The following RAPGEF4 variants were observed in gnomAD, a reference collection of about 807,000 sequenced individuals.
RAPGEF4 encodes Rap guanine nucleotide exchange factor 4, also known as RAP guanine-nucleotide-exchange factor (GEF) 4.
RAPGEF4 carries 66 observed loss-of-function variants against 147.9 expected under a neutral mutation model. The ratio of observed to expected loss-of-function variants is 0.45; its 90% CI spans 0.37 to 0.55. RAPGEF4 has a LOEUF of 0.55. Ranked by LOEUF, RAPGEF4 falls within the 20% of genes least tolerant of loss-of-function variation. RAPGEF4 has a pLI of 0.00. For synonymous variants in RAPGEF4, 419 were observed against 442.7 expected (o/e 0.95, Z 0.67); for missense variants, 1,071 against 1,257.3 (o/e 0.85, Z 2.24).
rs375821371 is a variant in RAPGEF4, at chr2:172,819,414, A to G, written c.444+4989A>G. Among the ~76,000 whole-genome samples, 91 of 151,848 alleles carry G rather than the reference A, an allele frequency of 6.0e-4. No individual in the cohort carries two copies. The South Asian group carries it at 0.019, about 32-fold the overall frequency. On this transcript the variant is annotated intron_variant, in intron 4 of 30. Transcript: ENST00000397081. ...TGGAGACAGTATGTTTCTGAATTAC[A>G]TACAGAAGAAAATGAATTTAAAAGT...
At chr2:172,765,533 C>T (rs1239307894) in intron 1 of RAPGEF4, among the ~76,000 whole-genome samples, 4 of 152,236 alleles carry the variant, frequency 2.6e-5, no homozygotes, top group Non-Finnish European at 5.9e-5. Flanking sequence ...TGCCATCTCT[C>T]ACACACAGAG....
At chr2:172,965,727 A>T (rs753900498) in intron 9 of RAPGEF4, 44 bp downstream of exon 9, 1 of 1,611,766 alleles carries the variant, frequency 6.2e-7, no homozygotes. Context: ...AGAAATGCTA[A>T]GTGCATTTCC....
chr2:172,775,165 G>A (rs747119671), intron 1 of RAPGEF4, among the ~76,000 whole-genome samples: 44 of 152,138 alleles, frequency 2.9e-4, no homozygotes, highest in Admixed American at 2.2e-3. Context: ...TTGCTAAATG[G>A]ACCATACATG....
In RAPGEF4 at chr2:172,797,520, C is replaced by T. The variant is rs1341915370; in HGVS notation, c.209-5C>T. On this transcript the variant is annotated splice_polypyrimidine_tract_variant and splice_region_variant and intron_variant, in intron 2 of 30. Coordinates refer to ENST00000397081, the MANE Select transcript of RAPGEF4 (RefSeq NM_007023.4). ...TATATTTATATCACAATTTTTTTTT[C>T]CCAGTATTTCGCCAGGGTGATATTG... The T allele has an allele frequency of 1.2e-6, 2 of 1,604,822 alleles. No homozygotes were observed. Among genetic ancestry groups the T allele is most frequent in the Admixed American group, 1.7e-5 (1 of 58,792 alleles).
intron 10 of RAPGEF4, among the ~76,000 whole-genome samples, chr2:172,982,863 G>A (rs1397869210): frequency 6.6e-6 from 1 of 152,182 alleles, no homozygotes; most frequent in East Asian, 1.9e-4. Flanking sequence ...TGGGAATGTG[G>A]AATATACCTC....
chr2:172,783,311 C>T (rs561767578), intron 1 of RAPGEF4, among the ~76,000 whole-genome samples: 1 of 152,304 alleles, frequency 6.6e-6, no homozygotes, highest in Non-Finnish European at 1.5e-5. Context: ...CTGCAGTGAC[C>T]TCCAGTCACA....
rs936240986 is a variant in RAPGEF4 at position 172,921,123 on chromosome 2, G to GT, written c.518-1148dup. ...GCTTTTTTGTTTTTGTCTTTGTTTT[G>GT]TTTTTTTTTTAGTCAGGGTCTCACT... On this transcript the variant is annotated intron_variant, in intron 5 of 30. Transcript: ENST00000397081. Among the ~76,000 whole-genome samples, 375 of 146,960 alleles carry GT rather than the reference G, an allele frequency of 2.6e-3. 1 individual carries two copies. The highest frequency in any genetic ancestry group is 8.7e-3 in the African/African-American group (348 of 40,076).
At chr2:172,986,272 C>T (rs937767244) in intron 12 of RAPGEF4, among the ~76,000 whole-genome samples, 8 of 152,174 alleles carry the variant, frequency 5.3e-5, no homozygotes, top group African/African-American at 1.2e-4. Context: ...ACGTTTAAAC[C>T]GATACTTCCT....
intron 26 of RAPGEF4, among the ~76,000 whole-genome samples, chr2:173,032,956 G>A (rs1012617260): frequency 2.0e-5 from 3 of 152,138 alleles, no homozygotes; most frequent in African/African-American, 4.8e-5. Context: ...GATGGGAAAC[G>A]TATCACACAG....
intron 12 of RAPGEF4, among the ~76,000 whole-genome samples, chr2:172,986,848 C>T (rs572496610): frequency 1.3e-5 from 2 of 152,182 alleles, no homozygotes; most frequent in African/African-American, 4.8e-5. Flanking sequence ...CGTGTGCCAC[C>T]ACGCCCAGCT....
At chr2:172,786,734 G>A (rs561073850) in intron 1 of RAPGEF4, among the ~76,000 whole-genome samples, 46 of 152,142 alleles carry the variant, frequency 3.0e-4, no homozygotes, top group African/African-American at 1.0e-3. Flanking sequence ...AAATTAGCTG[G>A]ATGTGGTGGC....
chr2:172,797,456 A>G (rs2149552360), intron 2 of RAPGEF4, 69 bp from the exon 3 acceptor site: 1 of 1,281,292 alleles, frequency 7.8e-7, no homozygotes, highest in Non-Finnish European at 1.1e-6. Flanking sequence ...GACCAGTGAA[A>G]AACTGGCAGA....
intron 6 of RAPGEF4, among the ~76,000 whole-genome samples, chr2:172,937,614 G>A: frequency 6.6e-6 from 1 of 152,088 alleles, no homozygotes; most frequent in Non-Finnish European, 1.5e-5. Flanking sequence ...TGTAAAGTCA[G>A]TCTCCCACAA....
chr2:172,860,231 T>C, intron 4 of RAPGEF4: 1 of 985,354 alleles, frequency 1.0e-6, no homozygotes, highest in Non-Finnish European at 1.2e-6. Context: ...GAGGAGAACA[T>C]GGATTTAAAA....
chr2:172,857,174 GCACACACACA>G (rs34315927), intron 4 of RAPGEF4, among the ~76,000 whole-genome samples: 5 of 150,044 alleles, frequency 3.3e-5, no homozygotes, highest in African/African-American at 4.9e-5. Flanking sequence ...GTGTGCGCGC[GCACACACACA>G]CACACACACA....
At chr2:172,892,381 G>A (rs1698020563) in intron 4 of RAPGEF4, among the ~76,000 whole-genome samples, 1 of 152,142 alleles carries the variant, frequency 6.6e-6, no homozygotes, top group South Asian at 2.1e-4. Context: ...TATGTGCCCT[G>A]GCCAACCTTC....
At chr2:172,933,730 G>A (rs576158934) in intron 6 of RAPGEF4, among the ~76,000 whole-genome samples, 1 of 152,284 alleles carries the variant, frequency 6.6e-6, no homozygotes, top group South Asian at 2.1e-4. Flanking sequence ...ATGTTTATAA[G>A]TTAACTCTGT....
intron 4 of RAPGEF4, among the ~76,000 whole-genome samples, chr2:172,817,397 A>G (rs2149613126): frequency 6.6e-6 from 1 of 152,304 alleles, no homozygotes; most frequent in South Asian, 2.1e-4. Context: ...ATTCCTTGAT[A>G]TGTCAGATAA....
intron 23 of RAPGEF4, among the ~76,000 whole-genome samples, chr2:173,024,956 T>C (rs1696519550): frequency 6.6e-6 from 1 of 152,220 alleles, no homozygotes; most frequent in South Asian, 2.1e-4. Flanking sequence ...TCCTGGATGC[T>C]CAGGGAAAAC....
Sources: gnomAD v4.1 joint callset for allele counts (sites outside exome capture counted in the v4.1 genomes callset) on GRCh38, gnomAD v4.1.1 for gene constraint, MANE v1.5 for transcripts, NCBI Gene and HGNC (gene_info 2026-07-23, HGNC 2026-07-21) for gene names.